The following IL4R variants were observed in gnomAD, a reference collection of about 807,000 sequenced individuals.
IL4R encodes interleukin 4 receptor.
Under a neutral mutation model 41.5 loss-of-function variants are expected in IL4R, and 17 were observed. The observed-to-expected ratio is 0.41, with a 90% CI of 0.28 to 0.61. The LOEUF is 0.61. Ranked by LOEUF, IL4R falls within the 20% of genes least tolerant of loss-of-function variation. The pLI is 0.31. For synonymous variants in IL4R, 402 were observed against 422.9 expected (o/e 0.95, Z 0.61); for missense variants, 974 against 1,043.1 (o/e 0.93, Z 0.91).
At chr16:27,324,622 G>A (rs2084903755) in intron 1 of IL4R, among the ~76,000 whole-genome samples, 2 of 152,186 alleles carry the variant, frequency 1.3e-5, no homozygotes, top group Admixed American at 1.3e-4. Context: ...ATAACAGGTT[G>A]CAGAAAGATG....
intron 1 of IL4R, chr16:27,314,307 G>T (rs866998205): frequency 2.1e-4 from 39 of 189,832 alleles, no homozygotes; most frequent in African/African-American, 8.8e-4. Flanking sequence ...CGGGGGTGGG[G>T]GGCTTGGGGT....
Position 27,345,737 on chromosome 16 carries a change from G to A in IL4R, c.361+717G>A. On this transcript the variant is annotated intron_variant, in intron 5 of 10. Transcript: ENST00000395762. The surrounding 1 kb of genome is among the most constrained non-coding windows in gnomAD (Gnocchi z 4.5). ...TATAATCCCAGCACTTTGGGAGGCC[G>A]AGCCCAGCGGATCACCGGAGGTCAG... 1 of 152,470 alleles carries A rather than the reference G, an allele frequency of 6.6e-6. No homozygotes were observed. Among genetic ancestry groups the A allele is most frequent in the Non-Finnish European group, 1.5e-5 (1 of 68,728 alleles). 9.4% of individuals were successfully genotyped at this position (152,470 alleles called of 1,614,324 possible). A position where few individuals can be genotyped will look rare whatever the true frequency, so the allele number is the denominator to read the frequency against.
At position 27,363,760 on chromosome 16, in the gene IL4R, A is replaced by G; in HGVS notation, c.2408A>G (p.Gln803Arg). Residue 803 changes from glutamine to arginine, a missense_variant, in exon 11 of 11, where the codon CAG (glutamine) becomes CGG (arginine). Around this residue, in one of 3 missense-constraint regions of IL4R, gnomAD observed 682 missense variants for 704.3 expected, o/e 0.97. Transcript: ENST00000395762. Reference protein sequence around the residue: ...SSFHPAPGNAQSSSQTPKIVN... With the variant: ...SSFHPAPGNARSSSQTPKIVN... ...TTCCATCCTGCCCCTGGCAATGCTC[A>G]GAGCTCAAGCCAGACCCCCAAAATC... The G allele has an allele frequency of 6.2e-7, 1 of 1,612,590 alleles. No individual in the cohort carries two copies. The highest frequency in any genetic ancestry group is 8.5e-7 in the Non-Finnish European group (1 of 1,180,012).
At chr16:27,356,451 C>G (rs2086083578) in intron 8 of IL4R, among the ~76,000 whole-genome samples, 1 of 152,162 alleles carries the variant, frequency 6.6e-6, no homozygotes, top group Admixed American at 6.5e-5. Context: ...ATATCAATCA[C>G]AAACAGGTGG....
At chr16:27,351,510 CT>C (rs71387789) in intron 6 of IL4R, among the ~76,000 whole-genome samples, 49,441 of 118,448 alleles carry the variant, frequency 0.42, 10,457 homozygotes, top group Non-Finnish European at 0.47. Context: ...CTCTCTCTCT[CT>C]TTTTTTTTTT....
At chr16:27,346,724 G>A (rs17548726) in intron 6 of IL4R, 106 bp downstream of exon 6, 21,777 of 1,251,940 alleles carry the variant, frequency 0.017, 246 homozygotes, top group Non-Finnish European at 0.02. Flanking sequence ...CAAGCCCTGG[G>A]GCTGGATAGC....
At chr16:27,338,634 G>A (rs571959772) in intron 2 of IL4R, among the ~76,000 whole-genome samples, 12 of 152,178 alleles carry the variant, frequency 7.9e-5, no homozygotes, top group African/African-American at 2.6e-4. Flanking sequence ...GGGGCCTTTG[G>A]AGAAGTGATT....
At chr16:27,359,100 TAGAC>T (rs1352327137) in intron 9 of IL4R, 106 bp downstream of exon 9, 11 of 827,936 alleles carry the variant, frequency 1.3e-5, no homozygotes, top group Non-Finnish European at 2.0e-5. Context: ...GAATGGCAAA[TAGAC>T]AGTCAGGAGG....
intron 2 of IL4R, among the ~76,000 whole-genome samples, chr16:27,336,414 C>A (rs1025618966): frequency 2.6e-5 from 4 of 151,920 alleles, no homozygotes; most frequent in Non-Finnish European, 5.9e-5. Flanking sequence ...CAGTGGCTCA[C>A]GCCTGTAATC....
In IL4R at chr16:27,363,097, T is replaced by C; in HGVS notation, c.1745T>C (p.Val582Ala). 6.2e-7 allele frequency: 1 copy of C among 1,614,038 alleles called. No homozygotes were observed. Residue 582 changes from valine to alanine, a missense_variant, in exon 11 of 11, where the codon GTG (valine) becomes GCG (alanine). Val to Ala is a moderately conservative substitution (Grantham distance 64). Around this residue, in one of 3 missense-constraint regions of IL4R, gnomAD observed 682 missense variants for 704.3 expected, o/e 0.97. Coordinates refer to ENST00000395762, the MANE Select transcript of IL4R (RefSeq NM_000418.4). Reference protein sequence around the residue: ...TSGYQEFVHAVEQGGTQASAV... With the variant: ...TSGYQEFVHAAEQGGTQASAV... ...GGCTATCAGGAGTTTGTACATGCGG[T>C]GGAGCAGGGTGGCACCCAGGCCAGT...
intron 10 of IL4R, among the ~76,000 whole-genome samples, chr16:27,361,295 C>T (rs1041273424): frequency 4.6e-5 from 7 of 152,026 alleles, no homozygotes; most frequent in African/African-American, 1.2e-4. Flanking sequence ...TGCATTACCA[C>T]GCCTGGCTAT....
chr16:27,345,105 TG>T lies in IL4R; in HGVS notation c.361+89del. 1 of 694,724 alleles carries T rather than the reference TG, an allele frequency of 1.4e-6. No homozygotes were observed. The highest frequency in any genetic ancestry group is 1.4e-5 in the South Asian group (1 of 71,232). 43.0% of individuals were successfully genotyped at this position (694,724 alleles called of 1,614,324 possible). A position where few individuals can be genotyped will look rare whatever the true frequency, so the allele number is the denominator to read the frequency against. ...AGGGTGGGGTGGGCAGGGGAGGAGG[TG>T]GGGTCATAGCAACAGCAGGAGGAAG... On this transcript the variant is annotated intron_variant, in intron 5 of 10. Coordinates refer to ENST00000395762, the MANE Select transcript of IL4R (RefSeq NM_000418.4). This position sits in a 1 kb window ranked among gnomAD's most constrained non-coding sequence, Gnocchi z 4.5.
intron 8 of IL4R, among the ~76,000 whole-genome samples, chr16:27,357,979 C>T (rs967839205): frequency 3.3e-5 from 5 of 149,304 alleles, no homozygotes; most frequent in Non-Finnish European, 6.0e-5. Context: ...CTGCAACCTC[C>T]GCCTTCCGGG....
chr16:27,322,148 C>T (rs531775583), intron 1 of IL4R, among the ~76,000 whole-genome samples: 11 of 149,270 alleles, frequency 7.4e-5, no homozygotes, highest in Middle Eastern at 3.4e-3. Context: ...AATACAATTA[C>T]AATTCACCAT....
intron 9 of IL4R, among the ~76,000 whole-genome samples, chr16:27,359,230 G>GT (rs1376575868): frequency 6.6e-6 from 1 of 152,158 alleles, no homozygotes; most frequent in African/African-American, 2.4e-5. Context: ...TTGGTTTCCT[G>GT]TTTTTTTCCC....
rs373689085 is a variant in IL4R, at chr16:27,349,028, A to G, written c.513+2410A>G. Among the ~76,000 whole-genome samples, 3 of 152,336 alleles carry G rather than the reference A, an allele frequency of 2.0e-5. No individual in the cohort carries two copies. In the South Asian group the frequency reaches 6.2e-4, roughly 32 times the overall value. ...GGTCTGAGGCAGAAGAATGAAGTCC[A>G]GCTTCTCTTGTGGGTGGAACAGTGG... On this transcript the variant is annotated intron_variant, in intron 6 of 10. Transcript: ENST00000395762.
chr16:27,329,738 A>G (rs4787948), intron 1 of IL4R, among the ~76,000 whole-genome samples: 48,080 of 151,414 alleles, frequency 0.32, 7,915 homozygotes, highest in East Asian at 0.51. Flanking sequence ...TATCTTTGCT[A>G]TCTGCATCTT....
chr16:27,358,315 A>G (rs184680492), intron 8 of IL4R, among the ~76,000 whole-genome samples: 8 of 152,380 alleles, frequency 5.3e-5, no homozygotes, highest in African/African-American at 1.7e-4. Context: ...CAGTGAGTCA[A>G]ACATAGAAGG....
At chr16:27,346,040 T>C (rs1030187113) in intron 5 of IL4R, among the ~76,000 whole-genome samples, 1 of 151,890 alleles carries the variant, frequency 6.6e-6, no homozygotes, top group Non-Finnish European at 1.5e-5. Flanking sequence ...CTTTGGCTCA[T>C]ACACTTTGCC....
Sources: allele counts gnomAD v4.1 joint callset (sites outside exome capture counted in the v4.1 genomes callset), GRCh38; gene constraint gnomAD v4.1.1; regional missense constraint gnomAD v4.1.1; non-coding constraint Gnocchi (gnomAD v3.1); transcripts MANE v1.5; gene names NCBI Gene and HGNC (gene_info 2026-07-23, HGNC 2026-07-21).